Variants in GTSF1 observed in about 807,000 individuals in gnomAD.
GTSF1 encodes the protein gametocyte specific factor 1.
GTSF1 carries 11 observed loss-of-function variants against 28.9 expected under a neutral mutation model. The ratio of observed to expected loss-of-function variants is 0.38; its 90% confidence interval spans 0.24 to 0.63. The LOEUF (loss-of-function observed/expected upper bound fraction) is 0.63. Among genes scored for constraint, GTSF1 ranks in the 30% least tolerant of loss-of-function variants. The pLI is 0.56. For missense variants in GTSF1, 146 were observed against 201.0 expected (o/e 0.73, Z 1.66); for synonymous variants, 69 against 65.6 (o/e 1.05, Z -0.25).
rs182428760 is a variant in GTSF1 at position 54,459,166 on chromosome 12, T to C, written c.488-41A>G. 19 of 1,578,602 alleles carry C rather than the reference T, an allele frequency of 1.2e-5. No homozygotes were observed. The South Asian group carries it at 2.0e-4, about 17-fold the overall frequency. On this transcript the variant is annotated intron_variant, in intron 7 of 8. Transcript: ENST00000305879. Reference sequence around the variant, plus strand: ...TTTCAAAATAAATACACCATGTCAATTGAAATTCACTCCATCCCCTATTCT... The same window carrying C: ...TTTCAAAATAAATACACCATGTCAACTGAAATTCACTCCATCCCCTATTCT...
chr12:54,470,684 C>T (rs1470798149), intron 2 of GTSF1, among the ~76,000 whole-genome samples: 1 of 152,152 alleles, frequency 6.6e-6, no homozygotes, highest in East Asian at 1.9e-4. Context: ...ATATAGAAGA[C>T]TCTGGTTCTG....
In GTSF1 at chr12:54,469,687, CAAAA is replaced by C. The variant is rs375917825; in HGVS notation, c.16+1542_16+1545del. Among the ~76,000 whole-genome samples, 16 of 57,644 alleles carry C rather than the reference CAAAA, an allele frequency of 2.8e-4. 1 individual carries two copies. The highest frequency in any genetic ancestry group is 2.7e-3 in the Admixed American group (14 of 5,250). The allele number at this position is 57,644 out of a possible 152,430, so 37.8% of individuals were successfully genotyped here. A position where few individuals can be genotyped will look rare whatever the true frequency, so the allele number is the denominator to read the frequency against. On this transcript the variant is annotated intron_variant, in intron 2 of 8. Coordinates refer to ENST00000305879, the MANE Select transcript of GTSF1 (RefSeq NM_144594.3). ...TGGGTGACAGAGCGAGACTCCTTCTCAAAAAAAAAAAAAAAAAAAAAGACAGGGT... is the reference window on the plus strand; with the variant it reads ...TGGGTGACAGAGCGAGACTCCTTCTCAAAAAAAAAAAAAAAAAGACAGGGT...
chr12:54,468,172 G>T (rs996448754), intron 2 of GTSF1, among the ~76,000 whole-genome samples: 2 of 152,078 alleles, frequency 1.3e-5, no homozygotes, highest in Non-Finnish European at 2.9e-5. Flanking sequence ...CTGTTGCCCA[G>T]GCTGGACAGT....
chr12:54,471,113 CT>C, intron 2 of GTSF1, 119 bp downstream of exon 2: 2 of 646,166 alleles, frequency 3.1e-6, no homozygotes, highest in Non-Finnish European at 4.9e-6. Context: ...ACCATAAAGA[CT>C]TTTCCTCCTT....
At chr12:54,472,515 A>C (rs958536970) in intron 1 of GTSF1, 6 of 152,342 alleles carry the variant, frequency 3.9e-5, no homozygotes, top group African/African-American at 2.4e-5. Flanking sequence ...CACAGTTTGA[A>C]TCCTTTTCTA....
chr12:54,460,324 C>G, intron 7 of GTSF1, 53 bp downstream of exon 7: 1 of 1,286,430 alleles, frequency 7.8e-7, no homozygotes, highest in Non-Finnish European at 1.1e-6. Flanking sequence ...TCAAGATCAA[C>G]TGTATTTAGC....
At position 54,459,132 on chromosome 12, in the gene GTSF1, G is replaced by A; in HGVS notation, c.488-7C>T. 2 of 1,602,844 alleles carry A rather than the reference G, an allele frequency of 1.2e-6. No individual in the cohort carries two copies. The highest frequency in any genetic ancestry group is 1.7e-6 in the Non-Finnish European group (2 of 1,172,218). On this transcript the variant is annotated splice_region_variant and splice_polypyrimidine_tract_variant and intron_variant, in intron 7 of 8. Transcript: ENST00000305879. ...AGTTACTGTGCATTTCCATCTACAA[G>A]TAGAAATATTTCAAAATAAATACAC... is the stretch of plus-strand genomic sequence containing the variant.
chr12:54,456,057 G>GA lies in GTSF1; in HGVS notation c.*116dup, dbSNP rs1365081320. On this transcript the variant is annotated 3_prime_UTR_variant, in exon 9 of 9. Coordinates refer to ENST00000305879, the MANE Select transcript of GTSF1 (RefSeq NM_144594.3). ...GGAAAAAAGTGTGCTTGTCAGTTTG[G>GA]AAAGTCACAGGGAGTTTACCATTCT... is the stretch of plus-strand genomic sequence containing the variant. 1.3e-5 allele frequency: 2 copies of GA among 152,572 alleles called. No homozygotes were observed. Among genetic ancestry groups the GA allele is most frequent in the African/African-American group, 2.4e-5 (1 of 41,434 alleles). The allele number at this position is 152,572 out of a possible 1,614,324, so 9.5% of individuals were successfully genotyped here.
intron 6 of GTSF1, among the ~76,000 whole-genome samples, chr12:54,461,250 T>G (rs570622049): frequency 4.6e-5 from 7 of 152,048 alleles, no homozygotes; most frequent in South Asian, 4.2e-4. Flanking sequence ...TCCACCACCA[T>G]GCCCAGCTTA....
At chr12:54,472,828 A>G (rs1434428612) in intron 1 of GTSF1, among the ~76,000 whole-genome samples, 1 of 152,158 alleles carries the variant, frequency 6.6e-6, no homozygotes, top group African/African-American at 2.4e-5. Context: ...AATATTTTTC[A>G]TATTTATGTT....
At chr12:54,464,099 G>C (rs750196746) in intron 3 of GTSF1, among the ~76,000 whole-genome samples, 68 of 152,224 alleles carry the variant, frequency 4.5e-4, no homozygotes, top group Admixed American at 7.9e-4. Flanking sequence ...ATATATAGGT[G>C]TGAGAAACTT....
rs537429091 is a variant in GTSF1 at position 54,458,336 on chromosome 12, G to A, written c.*20+753C>T. Among the ~76,000 whole-genome samples the A allele has an allele frequency of 1.5e-4, 23 of 152,252 alleles. No individual in the cohort carries two copies. The East Asian group carries it at 4.4e-3, about 29-fold the overall frequency. ...ATCAAATACTCAGATAAGATCGACAGTGTAAAACTCTTAGAAACCCAAAGC... is the reference window on the plus strand; with the variant it reads ...ATCAAATACTCAGATAAGATCGACAATGTAAAACTCTTAGAAACCCAAAGC... On this transcript the variant is annotated intron_variant, in intron 8 of 8. Coordinates refer to ENST00000305879, the MANE Select transcript of GTSF1 (RefSeq NM_144594.3).
chr12:54,467,554 A>G (rs1956538047), intron 2 of GTSF1, among the ~76,000 whole-genome samples: 1 of 151,964 alleles, frequency 6.6e-6, no homozygotes, highest in Non-Finnish European at 1.5e-5. Flanking sequence ...ACCTCAGGTG[A>G]TCCACCTGCC....
Position 54,463,341 on chromosome 12 carries a change from C to T in GTSF1, c.118-44G>A, listed in dbSNP as rs757584106. On this transcript the variant is annotated intron_variant, in intron 3 of 8. Coordinates refer to ENST00000305879, the MANE Select transcript of GTSF1 (RefSeq NM_144594.3). The stretch of plus-strand genomic sequence containing the variant: ...GGGATCTGTCAGTTCTCTGGATCTA[C>T]TAAAGTCAACAGGGAGTAGCTAAGC... 30 of 1,605,548 alleles carry T rather than the reference C, an allele frequency of 1.9e-5. No homozygotes were observed. The South Asian group carries it at 3.1e-4, about 17-fold the overall frequency.
At chr12:54,472,051 A>G (rs1007167169) in intron 1 of GTSF1, 1 of 152,226 alleles carries the variant, frequency 6.6e-6, no homozygotes, top group Non-Finnish European at 1.5e-5. Flanking sequence ...TGTCTTTAAA[A>G]AAACAAAAAA....
intron 6 of GTSF1, among the ~76,000 whole-genome samples, chr12:54,461,327 C>T (rs1203659772): frequency 6.6e-6 from 1 of 151,856 alleles, no homozygotes; most frequent in African/African-American, 2.4e-5. Context: ...TCTTGAACTC[C>T]TGGCCTCAGC....
chr12:54,472,332 T>C (rs1356566310), intron 1 of GTSF1: 1 of 152,210 alleles, frequency 6.6e-6, no homozygotes, highest in African/African-American at 2.4e-5. Flanking sequence ...ATCCCAATCT[T>C]CAGTGCTAAA....
At chr12:54,461,246 A>G (rs758347923) in intron 6 of GTSF1, among the ~76,000 whole-genome samples, 2 of 150,162 alleles carry the variant, frequency 1.3e-5, no homozygotes, top group African/African-American at 2.4e-5. Flanking sequence ...GGCATCCACC[A>G]CCATGCCCAG....
chr12:54,462,070 T>C (rs771844080), intron 6 of GTSF1, 39 bp downstream of exon 6: 2 of 1,501,722 alleles, frequency 1.3e-6, no homozygotes, highest in Non-Finnish European at 1.9e-6. Context: ...AACACGCTGA[T>C]TTTGGGAGAC....
Sources: gnomAD v4.1 joint callset for allele counts (sites outside exome capture counted in the v4.1 genomes callset) on GRCh38, gnomAD v4.1.1 for gene constraint, MANE v1.5 for transcripts, NCBI Gene and HGNC (gene_info 2026-07-23, HGNC 2026-07-21) for gene names.